PKN2: variants seen among roughly 807,000 people sequenced by gnomAD.
PKN2 encodes the protein protein kinase N2, also known as serine/threonine-protein kinase N2.
PKN2 carries 38 observed loss-of-function variants against 119.1 expected under a neutral mutation model. That is an observed-to-expected ratio of 0.32 (90% CI 0.25 to 0.42). The LOEUF (loss-of-function observed/expected upper bound fraction) is 0.42, where lower values mean the gene tolerates loss of function less well. Ranked by LOEUF, PKN2 falls within the 10% of genes least tolerant of loss-of-function variation. PKN2 has a pLI of 1.00. For missense variants in PKN2, 850 were observed against 1,165.1 expected (o/e 0.73, Z 3.94); for synonymous variants, 390 against 384.9 (o/e 1.01, Z -0.15).
At chr1:88,742,525 GA>G (rs1241808432) in intron 2 of PKN2, among the ~76,000 whole-genome samples, 1 of 151,804 alleles carries the variant, frequency 6.6e-6, no homozygotes, top group Non-Finnish European at 1.5e-5. Context: ...TAATCCCAAA[GA>G]TGCAAATTAG....
intron 1 of PKN2, among the ~76,000 whole-genome samples, chr1:88,708,329 AT>A (rs1191028250): frequency 6.6e-6 from 1 of 152,176 alleles, no homozygotes; most frequent in Admixed American, 6.5e-5. Context: ...GAAATAAGTC[AT>A]TTTATAAACT....
At chr1:88,721,031 G>A (rs762349166) in intron 1 of PKN2, among the ~76,000 whole-genome samples, 5 of 152,066 alleles carry the variant, frequency 3.3e-5, no homozygotes, top group Non-Finnish European at 5.9e-5. Flanking sequence ...TAATTGATGG[G>A]CATTTGGGCT....
chr1:88,708,554 C>T (rs1254256675), intron 1 of PKN2, among the ~76,000 whole-genome samples: 1 of 150,278 alleles, frequency 6.7e-6, no homozygotes, highest in Non-Finnish European at 1.5e-5. Flanking sequence ...TGTAGTGCCT[C>T]ATTGATGAGA....
intron 1 of PKN2, among the ~76,000 whole-genome samples, chr1:88,727,308 A>C (rs6694054): frequency 0.067 from 10,183 of 151,528 alleles, 690 homozygotes; most frequent in African/African-American, 0.18. Context: ...ATACATTGAA[A>C]CAGCATTCCT....
intron 1 of PKN2, among the ~76,000 whole-genome samples, chr1:88,722,353 G>T (rs1287800527): frequency 1.3e-5 from 2 of 152,108 alleles, no homozygotes; most frequent in Non-Finnish European, 2.9e-5. Flanking sequence ...TAAACATGAG[G>T]TCTGTCTTTA....
At chr1:88,792,277 G>C (rs567332646) in intron 8 of PKN2, among the ~76,000 whole-genome samples, 1 of 152,100 alleles carries the variant, frequency 6.6e-6, no homozygotes, top group South Asian at 2.1e-4. Context: ...AGTGGCGCAT[G>C]CCTGTAACCC....
rs1672918502 is a variant in PKN2 at position 88,835,711 on chromosome 1, C to T, written c.*2263C>T. 6.6e-6 allele frequency: 1 copy of T among 152,412 alleles called. No individual in the cohort carries two copies. Among genetic ancestry groups the T allele is most frequent in the Non-Finnish European group, 1.5e-5 (1 of 67,946 alleles). 9.4% of individuals were successfully genotyped at this position (152,412 alleles called of 1,614,324 possible). On this transcript the variant is annotated 3_prime_UTR_variant, in exon 22 of 22. Transcript: ENST00000370521. The stretch of plus-strand genomic sequence containing the variant: ...CACTATGCATTCAAATGAAATGTGC[C>T]TTTCACTATGTCATTCTAAGAAAAC...
At chr1:88,710,105 CAGTT>C (rs746197483) in intron 1 of PKN2, among the ~76,000 whole-genome samples, 8 of 152,134 alleles carry the variant, frequency 5.3e-5, no homozygotes, top group African/African-American at 9.7e-5. Context: ...TGTAAACAGA[CAGTT>C]AGAAATGTAA....
Position 88,804,754 on chromosome 1 carries a change from C to A in PKN2, c.1426-92C>A, listed in dbSNP as rs558362076. The A allele has an allele frequency of 4.7e-5, 37 of 792,038 alleles. No individual in the cohort carries two copies. The African/African-American group carries it at 6.2e-4, about 13-fold the overall frequency. 49.1% of individuals were successfully genotyped at this position (792,038 alleles called of 1,614,324 possible). Reference sequence around the variant, plus strand: ...AATGAGGGGCTGGACTAAACTGTAACTAAGATTCTCTTAAGCTTTAAAATT... The same window carrying A: ...AATGAGGGGCTGGACTAAACTGTAAATAAGATTCTCTTAAGCTTTAAAATT... On this transcript the variant is annotated intron_variant, in intron 9 of 21. Coordinates refer to ENST00000370521, the MANE Select transcript of PKN2 (RefSeq NM_006256.4).
rs763643121 is a variant in PKN2 at position 88,832,857 on chromosome 1, A to G, written c.2670+6A>G. 2.9e-5 allele frequency: 42 copies of G among 1,458,026 alleles called. No homozygotes were observed. The highest frequency in any genetic ancestry group is 3.9e-5 in the Non-Finnish European group (41 of 1,061,190). The allele number at this position is 1,458,026 out of a possible 1,614,324, so 90.3% of individuals were successfully genotyped here. On this transcript the variant is annotated splice_donor_region_variant and intron_variant, in intron 20 of 21. Coordinates refer to ENST00000370521, the MANE Select transcript of PKN2 (RefSeq NM_006256.4). ...CCATTTCTATAATGAGAAGGGTAAG[A>G]ATTAAAATAAGGATAAGAATTTTTT...
intron 16 of PKN2, among the ~76,000 whole-genome samples, chr1:88,820,010 G>A (rs1672180025): frequency 6.6e-6 from 1 of 151,420 alleles, no homozygotes; most frequent in Non-Finnish European, 1.5e-5. Context: ...GGGGCTAGGG[G>A]AGGGATAGCA....
intron 2 of PKN2, among the ~76,000 whole-genome samples, chr1:88,751,979 C>T (rs1426718492): frequency 6.6e-6 from 1 of 152,012 alleles, no homozygotes; most frequent in Non-Finnish European, 1.5e-5. Flanking sequence ...TATCCTTTGT[C>T]TTCAGTGTTC....
At chr1:88,789,946 C>CT (rs149440112) in intron 8 of PKN2, among the ~76,000 whole-genome samples, 10,155 of 152,146 alleles carry the variant, frequency 0.067, 696 homozygotes, top group African/African-American at 0.18. Context: ...CTTTTCCTCC[C>CT]TTAGGGCCAC....
chr1:88,752,834 T>C (rs1214759072), intron 2 of PKN2, among the ~76,000 whole-genome samples: 1 of 152,180 alleles, frequency 6.6e-6, no homozygotes, highest in Admixed American at 6.5e-5. Flanking sequence ...GTTGGATTTA[T>C]TTTATTCATT....
chr1:88,739,848 A>G (rs1024054822), intron 1 of PKN2, among the ~76,000 whole-genome samples: 3 of 152,170 alleles, frequency 2.0e-5, no homozygotes, highest in African/African-American at 2.4e-5. Context: ...GCTTCCATCA[A>G]TAGAACACAA....
At chr1:88,740,374 A>AT (rs1438691381) in intron 1 of PKN2, among the ~76,000 whole-genome samples, 1 of 152,072 alleles carries the variant, frequency 6.6e-6, no homozygotes, top group African/African-American at 2.4e-5. Flanking sequence ...CACCTATTGA[A>AT]TTTTTTTATT....
chr1:88,822,289 T>C (rs1032767179), intron 17 of PKN2, among the ~76,000 whole-genome samples: 1 of 152,174 alleles, frequency 6.6e-6, no homozygotes, highest in Non-Finnish European at 1.5e-5. Context: ...TATTTTGCAT[T>C]CAAACGACTC....
chr1:88,759,153 A>G (rs1669341347), intron 2 of PKN2, among the ~76,000 whole-genome samples: 1 of 152,228 alleles, frequency 6.6e-6, no homozygotes, highest in African/African-American at 2.4e-5. Context: ...TCACGAGGTC[A>G]GGAGTTCGAG....
intron 6 of PKN2, among the ~76,000 whole-genome samples, chr1:88,774,782 C>A (rs1670023650): frequency 6.6e-6 from 1 of 151,496 alleles, no homozygotes; most frequent in African/African-American, 2.4e-5. Flanking sequence ...GATCATAGCT[C>A]ACTGTAACCT....
Sources: gnomAD v4.1 joint callset for allele counts (sites outside exome capture counted in the v4.1 genomes callset) on GRCh38, gnomAD v4.1.1 for gene constraint, MANE v1.5 for transcripts, NCBI Gene and HGNC (gene_info 2026-07-23, HGNC 2026-07-21) for gene names.